The following MALRD1 variants were observed in gnomAD, a reference collection of about 807,000 sequenced individuals.
The protein encoded by MALRD1 is MAM and LDL-receptor class A domain-containing protein 1.
Under a neutral mutation model 242.1 loss-of-function variants are expected in MALRD1, and 247 were observed. That is an observed-to-expected ratio of 1.02 (90% CI 0.92 to 1.13). The LOEUF is 1.13. Ranked by LOEUF, MALRD1 falls within the 50% of genes most tolerant of loss-of-function variation. The probability of loss-of-function intolerance (pLI) is 0.00; values close to 1 mark genes in which losing one functional copy is unlikely to be tolerated. For missense variants in MALRD1, 2,989 were observed against 2,533.1 expected (o/e 1.18, Z -3.86); for synonymous variants, 995 against 866.6 (o/e 1.15, Z -2.60).
intron 1 of MALRD1, among the ~76,000 whole-genome samples, chr10:19,061,368 A>G (rs910881084): frequency 4.6e-5 from 7 of 152,246 alleles, no homozygotes; most frequent in Non-Finnish European, 1.5e-5. Flanking sequence ...AGCAATCTAC[A>G]GATTCAGTGC....
intron 28 of MALRD1, among the ~76,000 whole-genome samples, chr10:19,447,668 GA>G (rs2131023775): frequency 1.3e-5 from 2 of 152,254 alleles, no homozygotes; most frequent in African/African-American, 4.8e-5. Context: ...TTAGTAAAGT[GA>G]ATTAAGTTTG....
chr10:19,530,404 T>TTTATATAA (rs1564417312), intron 31 of MALRD1, among the ~76,000 whole-genome samples: 1,184 of 19,132 alleles, frequency 0.062, 249 homozygotes, highest in Non-Finnish European at 0.11. Context: ...ATAAATATTA[T>TTTATATAA]ATATTTATAT....
intron 2 of MALRD1, among the ~76,000 whole-genome samples, chr10:19,084,418 AT>A (rs951216486): frequency 1.3e-4 from 19 of 151,034 alleles, no homozygotes; most frequent in South Asian, 4.2e-4. Flanking sequence ...CTACAGCCTG[AT>A]TTTTTTTTAA....
chr10:19,582,154 T>G (rs1837160853), intron 33 of MALRD1, among the ~76,000 whole-genome samples: 1 of 152,124 alleles, frequency 6.6e-6, no homozygotes, highest in Admixed American at 6.5e-5. Context: ...TGCAAAAATT[T>G]TCTCCCATTC....
chr10:19,561,150 A>G (rs1183459902), intron 32 of MALRD1, among the ~76,000 whole-genome samples: 3 of 152,258 alleles, frequency 2.0e-5, no homozygotes, highest in African/African-American at 7.2e-5. Flanking sequence ...TCTCCCTGTT[A>G]TTGACTTCTA....
At chr10:19,078,800 A>G (rs372901578) in intron 2 of MALRD1, among the ~76,000 whole-genome samples, 109 of 151,910 alleles carry the variant, frequency 7.2e-4, no homozygotes, top group African/African-American at 2.5e-3. Context: ...ATTTGGTAGT[A>G]TGAAATTATT....
chr10:19,462,355 A>G (rs962160928), intron 29 of MALRD1, among the ~76,000 whole-genome samples: 1 of 152,196 alleles, frequency 6.6e-6, no homozygotes, highest in Non-Finnish European at 1.5e-5. Flanking sequence ...GTTTACTGAA[A>G]TTATTCAAAC....
chr10:19,348,126 G>C (rs1246426022), intron 25 of MALRD1, 108 bp downstream of exon 25: 1 of 1,375,794 alleles, frequency 7.3e-7, no homozygotes, highest in Non-Finnish European at 9.7e-7. Context: ...GAAAAGATGA[G>C]TTTGAATTTA....
At chr10:19,120,980 G>A (rs1479845074) in intron 5 of MALRD1, among the ~76,000 whole-genome samples, 1 of 151,156 alleles carries the variant, frequency 6.6e-6, no homozygotes, top group Non-Finnish European at 1.5e-5. Context: ...CTGACCTCAG[G>A]TGATCTACCT....
chr10:19,504,664 A>ATTTTTTTTTTTTTT (rs759213931), intron 31 of MALRD1, among the ~76,000 whole-genome samples: 1 of 97,588 alleles, frequency 1.0e-5, no homozygotes, highest in African/African-American at 4.6e-5. Context: ...ATTGTAACAC[A>ATTTTTTTTTTTTTT]TTTTTTTTTT....
Position 19,146,360 on chromosome 10 carries a change from C to CT in MALRD1, c.1558+19dup, listed in dbSNP as rs1397869413. 8.1e-7 allele frequency: 1 copy of CT among 1,227,716 alleles called. No individual in the cohort carries two copies. The highest frequency in any genetic ancestry group is 1.6e-5 in the African/African-American group (1 of 64,090). 76.1% of individuals were successfully genotyped at this position (1,227,716 alleles called of 1,614,324 possible). ...ATAAATCATGGTAGGACATTTTCCT[C>CT]TTTAAAAAAAAATAGTTTTCTTTCT... On this transcript the variant is annotated intron_variant, in intron 11 of 39. Transcript: ENST00000454679.
intron 31 of MALRD1, among the ~76,000 whole-genome samples, chr10:19,526,376 A>G (rs992858383): frequency 1.3e-5 from 2 of 151,306 alleles, no homozygotes; most frequent in Non-Finnish European, 2.9e-5. Context: ...ATACATATAT[A>G]TATATATATG....
chr10:19,052,558 G>GTC (rs1412525082), intron 1 of MALRD1, among the ~76,000 whole-genome samples: 1 of 152,144 alleles, frequency 6.6e-6, no homozygotes, highest in African/African-American at 2.4e-5. Context: ...ACGGCCTGGG[G>GTC]TCTCTGCCTT....
At chr10:19,700,661 T>C (rs73595894) in intron 38 of MALRD1, among the ~76,000 whole-genome samples, 8,170 of 152,228 alleles carry the variant, frequency 0.054, 594 homozygotes, top group African/African-American at 0.17. Context: ...CTCTGATTAT[T>C]TTCCTGTTGT....
chr10:19,531,787 C>T (rs546521100), intron 32 of MALRD1, among the ~76,000 whole-genome samples: 84 of 152,204 alleles, frequency 5.5e-4, no homozygotes, highest in African/African-American at 1.3e-3. Context: ...TCAACATGCG[C>T]GCTCTATTTT....
At chr10:19,051,921 C>CAAAAAAAAAAAA (rs1178410946) in intron 1 of MALRD1, 2 of 62,474 alleles carry the variant, frequency 3.2e-5, no homozygotes, top group African/African-American at 8.1e-5. Flanking sequence ...GACTCCGTCT[C>CAAAAAAAAAAAA]AAAAAAAAAA....
At chr10:19,096,685 G>T (rs1449720247) in intron 4 of MALRD1, among the ~76,000 whole-genome samples, 2 of 152,186 alleles carry the variant, frequency 1.3e-5, no homozygotes, top group East Asian at 3.9e-4. Context: ...TCTGTAATCA[G>T]AGTCTCCAGA....
At chr10:19,553,159 G>T (rs1253238597) in intron 32 of MALRD1, among the ~76,000 whole-genome samples, 1 of 151,814 alleles carries the variant, frequency 6.6e-6, no homozygotes, top group Non-Finnish European at 1.5e-5. Flanking sequence ...TTGACAATCT[G>T]GGAATTTAAA....
At chr10:19,483,887 A>G (rs1837128009) in intron 29 of MALRD1, among the ~76,000 whole-genome samples, 1 of 152,194 alleles carries the variant, frequency 6.6e-6, no homozygotes, top group Non-Finnish European at 1.5e-5. Context: ...GGTGCCCATC[A>G]ACAGTGGATT....
Sources: allele counts gnomAD v4.1 joint callset (sites outside exome capture counted in the v4.1 genomes callset), GRCh38; gene constraint gnomAD v4.1.1; transcripts MANE v1.5; gene names NCBI Gene and HGNC (gene_info 2026-07-23, HGNC 2026-07-21).